Variants in FAF1 observed in about 807,000 individuals in gnomAD.
The protein encoded by FAF1 is Fas associated factor 1, also known as FAS-associated factor 1.
FAF1 carries 25 observed loss-of-function variants against 92.5 expected under a neutral mutation model. That is an observed-to-expected ratio of 0.27 (90% CI 0.20 to 0.38). FAF1 has a LOEUF of 0.38. FAF1 is among the 10% of genes least tolerant of loss of function. The probability of loss-of-function intolerance (pLI) is 1.00; values close to 1 mark genes in which losing one functional copy is unlikely to be tolerated. For synonymous variants in FAF1, 234 were observed against 273.2 expected, an observed-to-expected ratio of 0.86 and a Z score of 1.42; for missense variants, 636 against 793.3, an observed-to-expected ratio of 0.80 and a Z score of 2.38.
intron 3 of FAF1, among the ~76,000 whole-genome samples, chr1:50,798,884 T>C (rs1191798803): frequency 1.3e-5 from 2 of 152,216 alleles, no homozygotes; most frequent in Non-Finnish European, 2.9e-5. Flanking sequence ...TCTTTTTCTG[T>C]TCGTGTTTTT....
chr1:50,836,149 G>A (rs1232238056), intron 2 of FAF1, among the ~76,000 whole-genome samples: 1 of 118,276 alleles, frequency 8.5e-6, no homozygotes, highest in African/African-American at 3.2e-5. Context: ...TTGTGTGTGT[G>A]TGTTTTTGTT....
chr1:50,848,344 T>C (rs1644319739), intron 2 of FAF1, among the ~76,000 whole-genome samples: 2 of 152,224 alleles, frequency 1.3e-5, no homozygotes, highest in Admixed American at 6.5e-5. Context: ...CAATGCCGTA[T>C]AGGGCTGTTA....
At chr1:50,540,601 C>T (rs949418701) in intron 13 of FAF1, among the ~76,000 whole-genome samples, 3 of 152,224 alleles carry the variant, frequency 2.0e-5, no homozygotes, top group South Asian at 2.1e-4. Flanking sequence ...ATTCTTAACA[C>T]GATCTGGAAT....
intron 9 of FAF1, 26 bp downstream of exon 9, chr1:50,596,095 A>C: frequency 6.4e-7 from 1 of 1,564,650 alleles, no homozygotes; most frequent in East Asian, 2.2e-5. Flanking sequence ...CCTTCTGTTC[A>C]AAGAAAAGCT....
chr1:50,633,432 G>A (rs1557446100), intron 8 of FAF1, among the ~76,000 whole-genome samples: 1 of 152,174 alleles, frequency 6.6e-6, no homozygotes, highest in Admixed American at 6.5e-5. Context: ...AAGTGGCACA[G>A]CAAAACAAAA....
At chr1:50,755,320 C>A (rs1402842662) in intron 4 of FAF1, among the ~76,000 whole-genome samples, 4 of 152,200 alleles carry the variant, frequency 2.6e-5, no homozygotes, top group Admixed American at 1.3e-4. Flanking sequence ...AGTCCAAAAT[C>A]CAGCAGGGCA....
At position 50,602,276 on chromosome 1, in the gene FAF1, C is replaced by T. The variant is rs141528230; in HGVS notation, c.745-6060G>A. ...AAAAACCATATCTCAAGCTTGTCAT[C>T]GTCCTCACAAGACACTGATGTAATT... On this transcript the variant is annotated intron_variant, in intron 8 of 18. Transcript: ENST00000396153. Among the ~76,000 whole-genome samples the T allele has an allele frequency of 9.2e-5, 14 of 152,284 alleles. No individual in the cohort carries two copies. The East Asian group carries it at 2.1e-3, about 23-fold the overall frequency.
At chr1:50,928,533 C>T (rs1645023341) in intron 1 of FAF1, among the ~76,000 whole-genome samples, 1 of 152,026 alleles carries the variant, frequency 6.6e-6, no homozygotes, top group African/African-American at 2.4e-5. Context: ...CCTGTAATCC[C>T]AGCACTTTGG....
chr1:50,478,895 G>A (rs939570498), intron 17 of FAF1, among the ~76,000 whole-genome samples: 6 of 152,082 alleles, frequency 3.9e-5, no homozygotes, highest in African/African-American at 1.4e-4. Flanking sequence ...ACATACATAT[G>A]AAAAAGTGCA....
At chr1:50,742,752 G>A (rs1659438257) in intron 5 of FAF1, among the ~76,000 whole-genome samples, 1 of 152,048 alleles carries the variant, frequency 6.6e-6, no homozygotes, top group Admixed American at 6.6e-5. Context: ...AACTCATTTT[G>A]GTGTTTTCTT....
chr1:50,675,823 A>C (rs1434731098), intron 7 of FAF1, among the ~76,000 whole-genome samples: 1 of 152,206 alleles, frequency 6.6e-6, no homozygotes, highest in Non-Finnish European at 1.5e-5. Flanking sequence ...TGATAGTTAT[A>C]ATGATAAAGA....
At chr1:50,705,531 A>G (rs538482677) in intron 7 of FAF1, among the ~76,000 whole-genome samples, 9 of 152,352 alleles carry the variant, frequency 5.9e-5, no homozygotes, top group Admixed American at 5.9e-4. Flanking sequence ...TATATTACAT[A>G]ATAATCAGTT....
intron 5 of FAF1, among the ~76,000 whole-genome samples, chr1:50,739,390 GTGTT>G (rs1314094729): frequency 7.9e-6 from 1 of 126,768 alleles, no homozygotes; most frequent in East Asian, 2.2e-4. Context: ...ACATATATGT[GTGTT>G]TATGTGTATG....
Position 50,475,584 on chromosome 1 carries a change from G to C in FAF1, c.1749C>G (p.Gly583=). The C allele has an allele frequency of 6.2e-7, 1 of 1,614,032 alleles. No homozygotes were observed. The highest frequency in any genetic ancestry group is 8.5e-7 in the Non-Finnish European group (1 of 1,179,944). Residue 583 remains glycine, a synonymous_variant, in exon 18 of 19, where the codon GGC becomes GGG. Transcript: ENST00000396153. ...CCAGGAAACGCCGCTCCAAGAACTC[G>C]CCACTGGGGGTCCGGATCCGCAGTT... The part of the protein sequence containing the change: ...VSKLRIRTPS[G]EFLERRFLAS...
chr1:50,671,968 CA>C (rs1303703051), intron 7 of FAF1, among the ~76,000 whole-genome samples: 1 of 150,740 alleles, frequency 6.6e-6, no homozygotes, highest in Non-Finnish European at 1.5e-5. Context: ...CTAATTTTTA[CA>C]TATTTTTTTG....
chr1:50,628,340 C>T (rs1055828057), intron 8 of FAF1, among the ~76,000 whole-genome samples: 1 of 152,160 alleles, frequency 6.6e-6, no homozygotes, highest in African/African-American at 2.4e-5. Flanking sequence ...ATTCATTGCT[C>T]TTTTTCTACA....
intron 1 of FAF1, among the ~76,000 whole-genome samples, chr1:50,892,807 A>T (rs767572301): frequency 2.6e-5 from 4 of 152,154 alleles, no homozygotes; most frequent in Non-Finnish European, 4.4e-5. Flanking sequence ...TTTAAGACCA[A>T]TAACTCTTAG....
intron 7 of FAF1, among the ~76,000 whole-genome samples, chr1:50,684,825 C>G (rs565195181): frequency 6.6e-6 from 1 of 152,136 alleles, no homozygotes; most frequent in South Asian, 2.1e-4. Flanking sequence ...TCAACAAATA[C>G]TATTTGTTCT....
At chr1:50,947,699 C>T (rs1327147560) in intron 1 of FAF1, among the ~76,000 whole-genome samples, 1 of 152,136 alleles carries the variant, frequency 6.6e-6, no homozygotes, top group East Asian at 1.9e-4. Flanking sequence ...TCTTATTGAG[C>T]CCCTCAATAA....
Sources: gnomAD v4.1 joint callset for allele counts (sites outside exome capture counted in the v4.1 genomes callset) on GRCh38, gnomAD v4.1.1 for gene constraint, MANE v1.5 for transcripts, NCBI Gene and HGNC (gene_info 2026-07-23, HGNC 2026-07-21) for gene names.